Variants in RBFOX3 observed in about 807,000 individuals in gnomAD.
RBFOX3 encodes the protein RNA binding protein fox-1 homolog 3.
A neutral mutation model predicts 48.7 loss-of-function variants in RBFOX3; 17 were observed. That is an observed-to-expected ratio of 0.35 (90% CI 0.24 to 0.52). The LOEUF (loss-of-function observed/expected upper bound fraction) is 0.52, where lower values mean the gene tolerates loss of function less well. RBFOX3 is among the 20% of genes least tolerant of loss of function. RBFOX3 has a pLI of 0.94. For missense variants in RBFOX3, 382 were observed against 497.5 expected (o/e 0.77, Z 2.21); for synonymous variants, 212 against 209.5 (o/e 1.01, Z -0.10).
chr17:79,133,999 G>A (rs920034701), intron 4 of RBFOX3, among the ~76,000 whole-genome samples: 9 of 152,216 alleles, frequency 5.9e-5, no homozygotes, highest in African/African-American at 2.2e-4. Flanking sequence ...AATGGCCCAT[G>A]GTCTTCATTT....
chr17:79,233,199 A>G (rs73414019), intron 4 of RBFOX3, among the ~76,000 whole-genome samples: 2,845 of 152,348 alleles, frequency 0.019, 55 homozygotes, highest in Middle Eastern at 0.075. Context: ...TATGTCCAAC[A>G]TCACAGAGGA....
intron 1 of RBFOX3, among the ~76,000 whole-genome samples, chr17:79,531,366 C>T (rs1402400512): frequency 6.6e-6 from 1 of 152,168 alleles, no homozygotes; most frequent in African/African-American, 2.4e-5. Context: ...GCGGCCCAGG[C>T]GAGCAGGTGG....
intron 4 of RBFOX3, among the ~76,000 whole-genome samples, chr17:79,206,675 C>A (rs1184673554): frequency 1.3e-5 from 2 of 152,190 alleles, no homozygotes; most frequent in Non-Finnish European, 2.9e-5. Context: ...TCCAGGCCAC[C>A]ACTGCTCAGC....
At chr17:79,250,434 G>A (rs140480439) in intron 3 of RBFOX3, among the ~76,000 whole-genome samples, 35 of 151,942 alleles carry the variant, frequency 2.3e-4, no homozygotes, top group South Asian at 2.1e-3. Flanking sequence ...CCCGGGGCTC[G>A]TGGTCAGACT....
At chr17:79,301,218 C>A (rs552565069) in intron 3 of RBFOX3, among the ~76,000 whole-genome samples, 72 of 152,338 alleles carry the variant, frequency 4.7e-4, no homozygotes, top group African/African-American at 1.6e-3. Flanking sequence ...TGGGTCCCAG[C>A]CCTTTATGTC....
chr17:79,656,915 A>G, the RBFOX3 span, among the ~76,000 whole-genome samples: 3 of 151,610 alleles, frequency 2.0e-5, no homozygotes, highest in Admixed American at 2.0e-4. Context: ...GAAGGAAGGA[A>G]GGAAAAGAAA....
chr17:79,384,120 C>T (rs185673086), intron 2 of RBFOX3, among the ~76,000 whole-genome samples: 8 of 152,296 alleles, frequency 5.3e-5, no homozygotes, highest in South Asian at 2.1e-4. Context: ...GGGCTCAGGG[C>T]GAGGGCTGTG....
chr17:79,598,694 C>A (rs2145270966), intron 1 of RBFOX3: 1 of 152,262 alleles, frequency 6.6e-6, no homozygotes, highest in South Asian at 2.1e-4. Context: ...AGGGACCGTG[C>A]AAGTAACCAT....
intron 3 of RBFOX3, among the ~76,000 whole-genome samples, chr17:79,290,752 C>T (rs538224794): frequency 6.6e-5 from 10 of 152,304 alleles, no homozygotes; most frequent in Non-Finnish European, 1.0e-4. Flanking sequence ...TACATCTCAT[C>T]GAGCCTCCAG....
Position 79,423,916 on chromosome 17 carries a change from C to T in RBFOX3, c.-175+58538G>A. 1 of 153,804 alleles carries T rather than the reference C, an allele frequency of 6.5e-6. No homozygotes were observed. Among genetic ancestry groups the T allele is most frequent in the Non-Finnish European group, 1.5e-5 (1 of 68,340 alleles). The allele number at this position is 153,804 out of a possible 1,614,324, so 9.5% of individuals were successfully genotyped here. ...CTGAGGCCTTTGCAGCCACTATGCC[C>T]TCTACACGGAATGGCTCCCTCTTGT... On this transcript the variant is annotated intron_variant, in intron 2 of 14. Coordinates refer to ENST00000693108, the MANE Select transcript of RBFOX3 (RefSeq NM_001350451.2). This position sits in a 1 kb window ranked among gnomAD's most constrained non-coding sequence, Gnocchi z 4.9.
intron 4 of RBFOX3, among the ~76,000 whole-genome samples, chr17:79,124,146 A>G (rs977338423): frequency 2.0e-5 from 3 of 152,212 alleles, no homozygotes; most frequent in African/African-American, 4.8e-5. Flanking sequence ...TAGTGACCAC[A>G]CTGGGAGTCT....
chr17:79,340,197 G>A (rs1006681890), intron 2 of RBFOX3, among the ~76,000 whole-genome samples: 3 of 151,976 alleles, frequency 2.0e-5, no homozygotes, highest in Middle Eastern at 3.2e-3. Context: ...TACTTGGGAG[G>A]CTGAGGCAGG....
intron 4 of RBFOX3, among the ~76,000 whole-genome samples, chr17:79,123,571 A>T (rs780560741): frequency 7.2e-5 from 11 of 152,042 alleles, no homozygotes; most frequent in Non-Finnish European, 1.3e-4. Context: ...GGACACGCTA[A>T]CAACGGCCCT....
At chr17:79,341,130 C>T (rs945764815) in intron 2 of RBFOX3, among the ~76,000 whole-genome samples, 1 of 152,154 alleles carries the variant, frequency 6.6e-6, no homozygotes. Flanking sequence ...GACATGCACA[C>T]GGGAAGGCAG....
the RBFOX3 span, among the ~76,000 whole-genome samples, chr17:79,617,507 T>G: frequency 6.6e-6 from 1 of 152,194 alleles, no homozygotes; most frequent in Non-Finnish European, 1.5e-5. Flanking sequence ...CTTGGTTTAC[T>G]TGATCCTTTA....
In RBFOX3 at chr17:79,094,488, G is replaced by A. The variant is rs1485873046; in HGVS notation, c.1040C>T (p.Thr347Ile). The A allele has an allele frequency of 6.8e-7, 1 of 1,468,822 alleles. No homozygotes were observed. The highest frequency in any genetic ancestry group is 9.0e-7 in the Non-Finnish European group (1 of 1,110,192). The allele number at this position is 1,468,822 out of a possible 1,614,324, so 91.0% of individuals were successfully genotyped here. A position where few individuals can be genotyped will look rare whatever the true frequency, so the allele number is the denominator to read the frequency against. The change falls in exon 14 of 15, where the codon ACC (threonine) becomes ATC (isoleucine). Residue 347 changes from threonine (T) to isoleucine (I), a missense_variant. By Grantham distance (89) the Thr-to-Ile change is moderately conservative. Coordinates refer to ENST00000693108, the MANE Select transcript of RBFOX3 (RefSeq NM_001350451.2). ...GCTGTAGGTCGCCGCGGGCCCGATG[G>A]TGTGATGGTACGGGTCGGCAGCTGC... Reference protein sequence around the residue: ...VYAAADPYHHTIGPAATYSIG... With the variant: ...VYAAADPYHHIIGPAATYSIG...
At chr17:79,464,188 G>A (rs530965598) in intron 2 of RBFOX3, among the ~76,000 whole-genome samples, 25 of 152,344 alleles carry the variant, frequency 1.6e-4, no homozygotes, top group Admixed American at 2.6e-4. Context: ...AGGCCTCTGC[G>A]AAACGGGCGC....
At chr17:79,215,866 G>C (rs2147255761) in intron 4 of RBFOX3, among the ~76,000 whole-genome samples, 1 of 152,386 alleles carries the variant, frequency 6.6e-6, no homozygotes, top group South Asian at 2.1e-4. Flanking sequence ...TTGTCCCCAA[G>C]GCAGTGGGAA....
chr17:79,501,628 T>C (rs1328400125), intron 1 of RBFOX3, among the ~76,000 whole-genome samples: 1 of 152,234 alleles, frequency 6.6e-6, no homozygotes, highest in Non-Finnish European at 1.5e-5. Flanking sequence ...GCAGACGCCA[T>C]GCCAATACCT....
Sources: allele counts gnomAD v4.1 joint callset (sites outside exome capture counted in the v4.1 genomes callset), GRCh38; gene constraint gnomAD v4.1.1; non-coding constraint Gnocchi (gnomAD v3.1); transcripts MANE v1.5; gene names NCBI Gene and HGNC (gene_info 2026-07-23, HGNC 2026-07-21).